The following FAM156A variants were observed in gnomAD, a reference collection of about 807,000 sequenced individuals.
FAM156A encodes the protein protein FAM156A/FAM156B.
chrX:52,992,245 T>C (rs1198460290), intron 1 of FAM156A, among the ~76,000 whole-genome samples: 1 of 111,247 alleles, frequency 9.0e-6, no homozygotes, highest in Non-Finnish European at 1.9e-5. Flanking sequence ...AGCCCACATG[T>C]CCTGGGCTAT....
intron 1 of FAM156A, among the ~76,000 whole-genome samples, chrX:52,994,737 G>T (rs1262351725): frequency 9.0e-6 from 1 of 111,564 alleles, no homozygotes; most frequent in Non-Finnish European, 1.9e-5. Flanking sequence ...CACTTTGGGA[G>T]ACCGAGGTGG....
At chrX:52,979,575 C>G (rs1929716257) in intron 1 of FAM156A, among the ~76,000 whole-genome samples, 1 of 111,112 alleles carries the variant, frequency 9.0e-6, no homozygotes, top group Non-Finnish European at 1.9e-5. Flanking sequence ...AGCCTGACGA[C>G]CTAGCCTGGC....
At chrX:52,984,239 T>A (rs961787237) in intron 1 of FAM156A, among the ~76,000 whole-genome samples, 1 of 111,754 alleles carries the variant, frequency 8.9e-6, no homozygotes, top group African/African-American at 3.3e-5. Context: ...CCTCCAGAAA[T>A]CAATTGTGAC....
intron 1 of FAM156A, among the ~76,000 whole-genome samples, chrX:52,977,081 T>C (rs1602046653): frequency 1.0e-5 from 1 of 97,007 alleles, no homozygotes; most frequent in African/African-American, 3.8e-5. Flanking sequence ...CATATATACA[T>C]ATATATACAC....
intron 1 of FAM156A, among the ~76,000 whole-genome samples, chrX:52,977,980 T>G (rs1929613048): frequency 9.0e-6 from 1 of 111,679 alleles, no homozygotes; most frequent in African/African-American, 3.3e-5. Flanking sequence ...TTCTAAAAAT[T>G]TATATGCTTT....
At chrX:52,983,915 C>T (rs1289811933) in intron 1 of FAM156A, among the ~76,000 whole-genome samples, 2 of 112,453 alleles carry the variant, frequency 1.8e-5, no homozygotes, top group Non-Finnish European at 3.8e-5. Flanking sequence ...GTTCATCACC[C>T]ATTACTCCTT....
At chrX:52,994,229 T>A (rs1368381479) in intron 1 of FAM156A, among the ~76,000 whole-genome samples, 4 of 107,664 alleles carry the variant, frequency 3.7e-5, no homozygotes, top group African/African-American at 1.4e-4. Context: ...ACCCCACAAC[T>A]TGACACAGAC....
chrX:52,978,932 T>C (rs1466940062), intron 1 of FAM156A, among the ~76,000 whole-genome samples: 2 of 112,248 alleles, frequency 1.8e-5, no homozygotes, highest in African/African-American at 6.5e-5. Flanking sequence ...AGTTAGAACC[T>C]AGGATCTTTT....
At chrX:52,994,741 G>A (rs962061892) in intron 1 of FAM156A, among the ~76,000 whole-genome samples, 2 of 111,456 alleles carry the variant, frequency 1.8e-5, no homozygotes, top group African/African-American at 3.3e-5. Context: ...TTGGGAGACC[G>A]AGGTGGGAGG....
At chrX:52,973,458 C>A (rs1556791304) in intron 1 of FAM156A, among the ~76,000 whole-genome samples, 1 of 108,604 alleles carries the variant, frequency 9.2e-6, no homozygotes, top group African/African-American at 3.4e-5. Context: ...ACTTTCTAAT[C>A]AGCACAATTT....
chrX:52,986,242 AT>A (rs1372674312), intron 1 of FAM156A, among the ~76,000 whole-genome samples: 13 of 108,923 alleles, frequency 1.2e-4, no homozygotes, highest in Non-Finnish European at 2.3e-4. Context: ...AATTAAAAAA[AT>A]AAAATAAAAA....
rs1156398219 is a variant in FAM156A, at chrX:52,980,780, CTCTGTGTG to C, written c.-434+14518_-434+14525del. ...GTAAGCAGCCTTTTGGTTAGGGTTC[CTCTGTGTG>C]TGTGTGTGTGTGTGTGTGTGTGTGT... is the stretch of plus-strand genomic sequence containing the variant. On this transcript the variant is annotated intron_variant, in intron 1 of 4. Coordinates refer to the FAM156A transcript ENST00000610625. Among the ~76,000 whole-genome samples, 55 of 61,830 alleles carry C rather than the reference CTCTGTGTG, an allele frequency of 8.9e-4. 2 individuals are homozygous for C. The Admixed American group carries it at 9.5e-3, about 11-fold the overall frequency. The allele number at this position is 61,830 out of a possible 115,157, so 53.7% of individuals were successfully genotyped here. A position where few individuals can be genotyped will look rare whatever the true frequency, so the allele number is the denominator to read the frequency against.
chrX:52,986,689 T>A (rs1387042334), intron 1 of FAM156A, among the ~76,000 whole-genome samples: 1 of 110,480 alleles, frequency 9.1e-6, no homozygotes, highest in Admixed American at 9.7e-5. Context: ...CAAACCAGAA[T>A]TAGAAGGAGG....
intron 1 of FAM156A, among the ~76,000 whole-genome samples, chrX:52,990,290 T>G (rs1930604705): frequency 8.9e-6 from 1 of 111,803 alleles, no homozygotes; most frequent in African/African-American, 3.3e-5. Context: ...GACCTCACCG[T>G]GGGACCACAG....
chrX:52,993,408 C>CTTTTT (rs147840894), intron 1 of FAM156A, among the ~76,000 whole-genome samples: 2 of 42,592 alleles, frequency 4.7e-5, no homozygotes, highest in African/African-American at 1.8e-4. Context: ...TCTTAACTTT[C>CTTTTT]TTTTTTTTTT....
At chrX:52,990,802 A>G (rs924506940) in intron 1 of FAM156A, among the ~76,000 whole-genome samples, 63 of 83,613 alleles carry the variant, frequency 7.5e-4, no homozygotes, top group African/African-American at 3.0e-3. Flanking sequence ...GAAAAGAAAG[A>G]AAAGAAAAGA....
intron 1 of FAM156A, among the ~76,000 whole-genome samples, chrX:52,994,045 T>G (rs1556796159): frequency 1.8e-5 from 2 of 110,838 alleles, no homozygotes; most frequent in East Asian, 2.8e-4. Flanking sequence ...GGCTTTGAAA[T>G]CATGTCTGCC....
chrX:52,989,493 C>T (rs1930543286), intron 1 of FAM156A, among the ~76,000 whole-genome samples: 1 of 112,365 alleles, frequency 8.9e-6, no homozygotes, highest in Admixed American at 9.4e-5. Flanking sequence ...TAATGATGCT[C>T]ACTGCGCAGG....
At chrX:52,983,405 T>G (rs1930039611) in intron 1 of FAM156A, among the ~76,000 whole-genome samples, 1 of 112,161 alleles carries the variant, frequency 8.9e-6, no homozygotes. Flanking sequence ...CTATTTTTAA[T>G]TCCTTTTTTT....
Sources: allele counts gnomAD v4.1 joint callset (sites outside exome capture counted in the v4.1 genomes callset), GRCh38; gene constraint gnomAD v4.1.1; transcripts MANE v1.5; gene names NCBI Gene and HGNC (gene_info 2026-07-23, HGNC 2026-07-21).